SLC35F3: variants seen among roughly 807,000 people sequenced by gnomAD.
The protein encoded by SLC35F3 is solute carrier family 35 member F3, also known as putative thiamine transporter SLC35F3.
SLC35F3 carries 25 observed loss-of-function variants against 49.9 expected under a neutral mutation model. The observed-to-expected ratio is 0.50, with a 90% CI of 0.37 to 0.70. The LOEUF (loss-of-function observed/expected upper bound fraction) is 0.70. Among genes scored for constraint, SLC35F3 ranks in the 30% least tolerant of loss-of-function variants. The pLI, the probability that SLC35F3 is intolerant of heterozygous loss-of-function variation, is 0.00. For synonymous variants in SLC35F3, 275 were observed against 265.4 expected, an observed-to-expected ratio of 1.04 and a Z score of -0.35; for missense variants, 525 against 639.8, an observed-to-expected ratio of 0.82 and a Z score of 1.94.
At chr1:234,285,837 A>T (rs1668411270) in intron 3 of SLC35F3, among the ~76,000 whole-genome samples, 1 of 152,130 alleles carries the variant, frequency 6.6e-6, no homozygotes, top group South Asian at 2.1e-4. Context: ...AGCTGATCTC[A>T]TCATGGAAGA....
At chr1:233,954,783 A>T (rs1662667981) in intron 2 of SLC35F3, among the ~76,000 whole-genome samples, 1 of 152,226 alleles carries the variant, frequency 6.6e-6, no homozygotes, top group South Asian at 2.1e-4. Flanking sequence ...CCAGGAAGAT[A>T]GAAGAAGGCT....
At chr1:233,922,382 C>T (rs1419199995) in intron 2 of SLC35F3, among the ~76,000 whole-genome samples, 2 of 151,880 alleles carry the variant, frequency 1.3e-5, no homozygotes, top group Non-Finnish European at 2.9e-5. Context: ...TTGCATTTCT[C>T]TGATGGCCAG....
intron 2 of SLC35F3, among the ~76,000 whole-genome samples, chr1:233,978,567 C>T (rs770941274): frequency 1.3e-5 from 2 of 152,192 alleles, no homozygotes; most frequent in Non-Finnish European, 2.9e-5. Flanking sequence ...GCTGGGACTG[C>T]GGCTGCAATC....
chr1:234,172,492 G>T (rs542154302), intron 2 of SLC35F3, among the ~76,000 whole-genome samples: 7 of 152,208 alleles, frequency 4.6e-5, no homozygotes, highest in Non-Finnish European at 8.8e-5. Context: ...CTCCCGAAGT[G>T]CTAGGATTAC....
At chr1:234,274,851 G>A (rs1668173461) in intron 3 of SLC35F3, among the ~76,000 whole-genome samples, 1 of 152,196 alleles carries the variant, frequency 6.6e-6, no homozygotes, top group Non-Finnish European at 1.5e-5. Context: ...AAAGTGGCAT[G>A]CAGGCTTGGA....
intron 3 of SLC35F3, among the ~76,000 whole-genome samples, chr1:234,287,893 A>T (rs776853974): frequency 2.0e-5 from 3 of 151,950 alleles, no homozygotes; most frequent in Admixed American, 6.6e-5. Flanking sequence ...TGGTGGCGAA[A>T]TTTTTTTTAG....
At chr1:234,267,712 G>A (rs1051011139) in intron 3 of SLC35F3, among the ~76,000 whole-genome samples, 12 of 121,010 alleles carry the variant, frequency 9.9e-5, no homozygotes, top group African/African-American at 2.7e-4. Context: ...GGTGGCTGCC[G>A]GACGGAGGGG....
intron 2 of SLC35F3, among the ~76,000 whole-genome samples, chr1:233,921,340 ACC>A (rs1558178956): frequency 6.6e-6 from 1 of 151,812 alleles, no homozygotes. Context: ...CTTTAACATC[ACC>A]CACTAGACGG....
chr1:234,064,890 G>A lies in SLC35F3; in HGVS notation c.283+159132G>A, dbSNP rs545057851. On this transcript the variant is annotated intron_variant, in intron 2 of 7. Coordinates refer to ENST00000366618, the MANE Select transcript of SLC35F3 (RefSeq NM_173508.4). ...GTATAGGAAGCAGATATTGAAAGCC[G>A]GCCAGAATAGGATATTCTGAAGGGT... 3.9e-5 allele frequency among the ~76,000 whole-genome samples: 6 copies of A among 152,126 alleles called. No individual in the cohort carries two copies. In the East Asian group the frequency reaches 5.8e-4, roughly 15 times the overall value.
chr1:234,020,037 G>C (rs768919835), intron 2 of SLC35F3, among the ~76,000 whole-genome samples: 4 of 152,036 alleles, frequency 2.6e-5, no homozygotes, highest in Non-Finnish European at 2.9e-5. Flanking sequence ...GTTTAGCAAG[G>C]AGAGAATGAG....
chr1:234,030,612 C>T (rs993729637), intron 2 of SLC35F3, among the ~76,000 whole-genome samples: 2 of 152,202 alleles, frequency 1.3e-5, no homozygotes, highest in Non-Finnish European at 2.9e-5. Context: ...AAATACCTAA[C>T]TTAGAGGGCA....
chr1:233,936,516 TCTCCTC>T (rs67883909), intron 2 of SLC35F3, among the ~76,000 whole-genome samples: 2 of 150,920 alleles, frequency 1.3e-5, no homozygotes, highest in Non-Finnish European at 3.0e-5. Context: ...ACCTTCTTGT[TCTCCTC>T]CTCCTCCTCC....
intron 2 of SLC35F3, among the ~76,000 whole-genome samples, chr1:234,171,461 G>T (rs554158970): frequency 2.6e-5 from 4 of 152,194 alleles, no homozygotes; most frequent in Non-Finnish European, 5.9e-5. Flanking sequence ...ACACAGAGGG[G>T]GGTGTCTGTG....
At chr1:233,941,068 A>G (rs546878495) in intron 2 of SLC35F3, among the ~76,000 whole-genome samples, 1 of 152,226 alleles carries the variant, frequency 6.6e-6, no homozygotes, top group African/African-American at 2.4e-5. Context: ...GCTTGCATTT[A>G]GTGTAGGCAG....
At chr1:234,322,023 T>TAAC (rs1324614849) in intron 7 of SLC35F3, among the ~76,000 whole-genome samples, 2 of 120,634 alleles carry the variant, frequency 1.7e-5, no homozygotes, top group East Asian at 2.0e-4. Context: ...TCTACAAAAA[T>TAAC]AATAATAATA....
intron 2 of SLC35F3, among the ~76,000 whole-genome samples, chr1:233,911,990 G>A (rs2102782575): frequency 6.6e-6 from 1 of 152,244 alleles, no homozygotes; most frequent in South Asian, 2.1e-4. Context: ...AAACATTCAG[G>A]TTAGTTGCAT....
At chr1:234,042,943 A>C (rs1315367359) in intron 2 of SLC35F3, among the ~76,000 whole-genome samples, 1 of 152,236 alleles carries the variant, frequency 6.6e-6, no homozygotes, top group Non-Finnish European at 1.5e-5. Flanking sequence ...TTTGGTTATC[A>C]GTAGTTCTGC....
chr1:234,259,747 G>A (rs1469254250), intron 3 of SLC35F3, among the ~76,000 whole-genome samples: 1 of 151,816 alleles, frequency 6.6e-6, no homozygotes. Flanking sequence ...TTTAGGCAGG[G>A]ACAGGGTAAT....
Position 234,307,655 on chromosome 1 carries a change from C to T in SLC35F3, c.609-1446C>T, listed in dbSNP as rs542239451. On this transcript the variant is annotated intron_variant, in intron 3 of 7. Coordinates refer to ENST00000366618, the MANE Select transcript of SLC35F3 (RefSeq NM_173508.4). ...TGCATTTGGTTTATTCTAGAGATGTCTTTTCTTTTGTTCTCGTGGCAGTTC... is the reference window on the plus strand; with the variant it reads ...TGCATTTGGTTTATTCTAGAGATGTTTTTTCTTTTGTTCTCGTGGCAGTTC... 2.0e-5 allele frequency among the ~76,000 whole-genome samples: 3 copies of T among 152,326 alleles called. No homozygotes were observed. In the South Asian group the frequency reaches 6.2e-4, roughly 32 times the overall value.
Sources: gnomAD v4.1 joint callset for allele counts (sites outside exome capture counted in the v4.1 genomes callset) on GRCh38, gnomAD v4.1.1 for gene constraint, MANE v1.5 for transcripts, NCBI Gene and HGNC (gene_info 2026-07-23, HGNC 2026-07-21) for gene names.